ERC2: variants seen among roughly 807,000 people sequenced by gnomAD.
The protein encoded by ERC2 is ERC protein 2.
Under a neutral mutation model 114.8 loss-of-function variants are expected in ERC2, and 42 were observed. That is an observed-to-expected ratio of 0.37 (90% confidence interval 0.29 to 0.47). ERC2 has a LOEUF of 0.47. ERC2 is among the 20% of genes least tolerant of loss of function. The pLI is 0.99. For missense variants in ERC2, 939 were observed against 1,150.7 expected (o/e 0.82, Z 2.66); for synonymous variants, 454 against 425.5 (o/e 1.07, Z -0.82).
intron 2 of ERC2, among the ~76,000 whole-genome samples, chr3:56,417,758 A>G (rs1045542801): frequency 3.9e-5 from 6 of 152,190 alleles, no homozygotes; most frequent in Non-Finnish European, 5.9e-5. Flanking sequence ...ACCCAGAGGC[A>G]GGCTCCACTA....
chr3:55,987,145 T>C (rs1478828590), intron 11 of ERC2, among the ~76,000 whole-genome samples: 1 of 152,216 alleles, frequency 6.6e-6, no homozygotes, highest in Non-Finnish European at 1.5e-5. Context: ...GTTGATTTGA[T>C]AATCCCTTGT....
chr3:55,864,694 A>G (rs2062214388), intron 14 of ERC2, among the ~76,000 whole-genome samples: 2 of 152,156 alleles, frequency 1.3e-5, no homozygotes, highest in Admixed American at 6.6e-5. Context: ...CTGAAAAGAT[A>G]TAACTTAAAT....
In ERC2 at chr3:56,291,258, C is replaced by A. The variant is rs532106169; in HGVS notation, c.1074+4761G>T. On this transcript the variant is annotated intron_variant, in intron 3 of 17. Coordinates refer to ENST00000288221, the MANE Select transcript of ERC2 (RefSeq NM_015576.3). ...AACGTCAAACAATGTCTTATCAAAT[C>A]AACCTGCATCCAAATACATCAGACA... Among the ~76,000 whole-genome samples, 83 of 152,296 alleles carry A rather than the reference C, an allele frequency of 5.4e-4. 1 individual carries two copies. Among genetic ancestry groups the A allele is most frequent in the African/African-American group, 1.9e-3 (78 of 41,552 alleles).
At chr3:55,718,358 A>G (rs1038816470) in intron 15 of ERC2, among the ~76,000 whole-genome samples, 13 of 152,218 alleles carry the variant, frequency 8.5e-5, no homozygotes, top group Admixed American at 4.6e-4. Context: ...GGCACGCATG[A>G]CTGACCACCA....
At chr3:55,701,911 C>T (rs2063241152) in intron 15 of ERC2, among the ~76,000 whole-genome samples, 1 of 152,258 alleles carries the variant, frequency 6.6e-6, no homozygotes. Flanking sequence ...CTGAGGGGAG[C>T]TGTAAGATCT....
chr3:55,909,592 C>T (rs1045813721), intron 13 of ERC2, among the ~76,000 whole-genome samples: 2 of 151,990 alleles, frequency 1.3e-5, no homozygotes, highest in African/African-American at 4.8e-5. Context: ...AAGCAGAGGA[C>T]TGAAACCTAA....
rs1460056238 is a variant in ERC2, at chr3:55,881,742, A to G, written c.2564+6647T>C. Among the ~76,000 whole-genome samples, 12 of 152,352 alleles carry G rather than the reference A, an allele frequency of 7.9e-5. No individual in the cohort carries two copies. The South Asian group carries it at 2.3e-3, about 29-fold the overall frequency. ...AAGCTTATTAGCTGGCATTAATAAA[A>G]TCAAACATAAAATGATGTTCTTAAT... On this transcript the variant is annotated intron_variant, in intron 14 of 17. Transcript: ENST00000288221.
intron 3 of ERC2, among the ~76,000 whole-genome samples, chr3:56,227,841 C>T (rs1378738682): frequency 6.6e-6 from 1 of 152,170 alleles, no homozygotes; most frequent in Non-Finnish European, 1.5e-5. Flanking sequence ...CATAGCAGCA[C>T]TACATAGAAT....
At chr3:55,828,861 T>C (rs949777279) in intron 14 of ERC2, among the ~76,000 whole-genome samples, 3 of 152,132 alleles carry the variant, frequency 2.0e-5, no homozygotes, top group African/African-American at 7.2e-5. Context: ...TATTCAGGCC[T>C]GGTGAGGTGG....
intron 1 of ERC2, among the ~76,000 whole-genome samples, chr3:56,454,033 C>A (rs1360905290): frequency 6.6e-6 from 1 of 152,136 alleles, no homozygotes; most frequent in South Asian, 2.1e-4. Flanking sequence ...TATCGTGATT[C>A]CATCTTATAA....
intron 2 of ERC2, among the ~76,000 whole-genome samples, chr3:56,305,660 T>C (rs1264226975): frequency 2.6e-5 from 4 of 152,272 alleles, no homozygotes; most frequent in South Asian, 4.1e-4. Context: ...CGTAAACTAG[T>C]GCAACAATGC....
intron 17 of ERC2, among the ~76,000 whole-genome samples, chr3:55,646,441 C>T (rs971349146): frequency 5.9e-5 from 9 of 152,120 alleles, no homozygotes; most frequent in African/African-American, 1.7e-4. Flanking sequence ...TCTTGTGTTA[C>T]TTCCCAAGAA....
At chr3:56,442,522 A>G (rs2062365776) in intron 1 of ERC2, among the ~76,000 whole-genome samples, 2 of 152,140 alleles carry the variant, frequency 1.3e-5, no homozygotes, top group Admixed American at 1.3e-4. Flanking sequence ...TGCCCAGCCA[A>G]GAAGTATTTA....
intron 2 of ERC2, among the ~76,000 whole-genome samples, chr3:56,303,791 T>G (rs1018535613): frequency 6.6e-6 from 1 of 152,168 alleles, no homozygotes; most frequent in Non-Finnish European, 1.5e-5. Flanking sequence ...TGGTCCTAAG[T>G]GCCCCCTGGC....
chr3:56,383,802 A>T (rs571895840), intron 2 of ERC2, among the ~76,000 whole-genome samples: 1 of 152,130 alleles, frequency 6.6e-6, no homozygotes, highest in Non-Finnish European at 1.5e-5. Flanking sequence ...AACATTTTTC[A>T]TCTTCCCAAA....
intron 2 of ERC2, among the ~76,000 whole-genome samples, chr3:56,352,191 G>A (rs1211995032): frequency 8.5e-5 from 13 of 152,172 alleles, no homozygotes; most frequent in Admixed American, 1.3e-4. Flanking sequence ...AGATAACAGC[G>A]TGGAAAGATA....
chr3:55,869,394 A>G (rs1159381631), intron 14 of ERC2, among the ~76,000 whole-genome samples: 1 of 152,190 alleles, frequency 6.6e-6, no homozygotes, highest in Non-Finnish European at 1.5e-5. Context: ...GACAGCTTTC[A>G]GCAGAACCTT....
chr3:55,940,915 T>C (rs190542826), intron 13 of ERC2, among the ~76,000 whole-genome samples: 1 of 152,222 alleles, frequency 6.6e-6, no homozygotes, highest in South Asian at 2.1e-4. Context: ...ATACAGTTAC[T>C]GTGCCCAATA....
intron 17 of ERC2, among the ~76,000 whole-genome samples, chr3:55,600,789 G>A (rs1365347907): frequency 2.0e-5 from 3 of 152,170 alleles, no homozygotes; most frequent in Non-Finnish European, 4.4e-5. Flanking sequence ...GTGTGGACAC[G>A]GCCTCTGCGC....
Sources: gnomAD v4.1 joint callset for allele counts (sites outside exome capture counted in the v4.1 genomes callset) on GRCh38, gnomAD v4.1.1 for gene constraint, MANE v1.5 for transcripts, NCBI Gene and HGNC (gene_info 2026-07-23, HGNC 2026-07-21) for gene names.